FANCD2: variants seen among roughly 807,000 people sequenced by gnomAD.
FANCD2 encodes the protein FA complementation group D2, also known as Fanconi anemia group D2 protein.
A neutral mutation model predicts 192.3 loss-of-function variants in FANCD2; 131 were observed. The ratio of observed to expected loss-of-function variants is 0.68; its 90% CI spans 0.59 to 0.79. The LOEUF is 0.79. FANCD2 is among the 30% of genes least tolerant of loss of function. The probability of loss-of-function intolerance (pLI) is 0.00; values close to 1 mark genes in which losing one functional copy is unlikely to be tolerated. For missense variants in FANCD2, 1,508 were observed against 1,701.6 expected (o/e 0.89, Z 2.00); for synonymous variants, 524 against 612.5 (o/e 0.86, Z 2.13).
rs545245589 is a variant in FANCD2 at position 10,040,339 on chromosome 3, T to G, written c.695+494T>G. On this transcript the variant is annotated intron_variant, in intron 9 of 43. Transcript: ENST00000675286. ...GCATGAGCCACCGTGCCTGGCCCCA[T>G]GTACTTTCTTTTAAATGGTATACCT... The G allele has an allele frequency of 1.3e-5, 5 of 371,020 alleles. No homozygotes were observed. The East Asian group carries it at 3.0e-4, about 22-fold the overall frequency. 23.0% of individuals were successfully genotyped at this position (371,020 alleles called of 1,614,324 possible).
intron 41 of FANCD2, among the ~76,000 whole-genome samples, chr3:10,095,568 T>C (rs1377426849): frequency 6.6e-6 from 1 of 152,192 alleles, no homozygotes; most frequent in Non-Finnish European, 1.5e-5. Context: ...GTCCTCTAGG[T>C]AACAGGACTG....
chr3:10,057,006 C>A (rs1387781759), intron 18 of FANCD2, among the ~76,000 whole-genome samples: 1 of 152,106 alleles, frequency 6.6e-6, no homozygotes, highest in Non-Finnish European at 1.5e-5. Flanking sequence ...AGGTGTGCAC[C>A]ACCATGCCCA....
At chr3:10,069,488 T>TCC (rs1287580681) in intron 26 of FANCD2, among the ~76,000 whole-genome samples, 22,589 of 63,542 alleles carry the variant, frequency 0.36, 2,469 homozygotes, top group African/African-American at 0.49. Context: ...CCCCTCCCCC[T>TCC]CTCCCGTCTC....
In FANCD2 at chr3:10,089,116, C is replaced by G. The variant is rs419999; in HGVS notation, c.3683+166C>G. Among the ~76,000 whole-genome samples, 693 of 152,164 alleles carry G rather than the reference C, an allele frequency of 4.6e-3. 3 individuals are homozygous for G. The highest frequency in any genetic ancestry group is 8.5e-3 in the Admixed American group (130 of 15,260). On this transcript the variant is annotated intron_variant, in intron 36 of 43. Transcript: ENST00000675286. ...CTTGGCCAACATAGTGAAACCCTGT[C>G]CCTACTAAAAATACAAAAATTAGCC...
intron 29 of FANCD2, among the ~76,000 whole-genome samples, chr3:10,075,680 A>C (rs569959842): frequency 6.7e-6 from 1 of 149,872 alleles, no homozygotes; most frequent in Non-Finnish European, 1.5e-5. Context: ...ATTAATTTTC[A>C]CCTGAAATTT....
At position 10,036,348 on chromosome 3, in the gene FANCD2, C is replaced by G; in HGVS notation, c.491+9C>G. ...GAATATTTTTTTGAAAAGTAAGTGG[C>G]GTTATTATGGAATGTTCAAAGTACC... is the stretch of plus-strand genomic sequence containing the variant. On this transcript the variant is annotated intron_variant, in intron 7 of 43. Coordinates refer to ENST00000675286, the MANE Select transcript of FANCD2 (RefSeq NM_001018115.3). 6.2e-7 allele frequency: 1 copy of G among 1,604,270 alleles called. No individual in the cohort carries two copies.
chr3:10,054,577 A>G (rs1440493663), intron 18 of FANCD2, among the ~76,000 whole-genome samples: 4 of 130,000 alleles, frequency 3.1e-5, no homozygotes, highest in Non-Finnish European at 6.2e-5. Context: ...TCCGCCTCCC[A>G]GGTTCCCGCC....
rs762683227 is a variant in FANCD2, at chr3:10,078,090, G to C, written c.2869G>C (p.Val957Leu). Residue 957 changes from valine to leucine, a missense_variant, in exon 30 of 44, where the codon GTT becomes CTT. Physicochemically the swap from Val to Leu is conservative, Grantham distance 32 (BLOSUM62 1). Around this residue, in one of 5 missense-constraint regions of FANCD2, gnomAD observed 796 missense variants for 879.4 expected, o/e 0.91. Coordinates refer to ENST00000675286, the MANE Select transcript of FANCD2 (RefSeq NM_001018115.3). ...DTEMHTEATEVVQLGPPELLF... is the reference protein window; with the variant it reads ...DTEMHTEATELVQLGPPELLF... ...TTCCTCCATGTGACAGGCTACAGAA[G>C]TTGTGCAACTTGGGCCCCCTGAGCT... The C allele has an allele frequency of 3.7e-6, 6 of 1,611,254 alleles. No individual in the cohort carries two copies. The Admixed American group carries it at 1.0e-4, about 27-fold the overall frequency.
At chr3:10,037,718 T>C (rs927238599) in intron 7 of FANCD2, 3 of 152,194 alleles carry the variant, frequency 2.0e-5, no homozygotes, top group African/African-American at 7.2e-5. Flanking sequence ...AATAGAAATA[T>C]TATGTGCACA....
chr3:10,041,495 A>G, intron 9 of FANCD2, 128 bp from the exon 10 acceptor site: 1 of 704,094 alleles, frequency 1.4e-6, no homozygotes, highest in African/African-American at 1.8e-5. Flanking sequence ...CATACTATAA[A>G]CGGTAACTTA....
chr3:10,067,353 G>T (rs778447238), intron 26 of FANCD2, 36 bp downstream of exon 26: 1 of 1,238,780 alleles, frequency 8.1e-7, no homozygotes, highest in South Asian at 1.2e-5. Flanking sequence ...GTACTACTAG[G>T]CCAGTAGTGA....
At chr3:10,058,978 C>T (rs1363256497) in intron 18 of FANCD2, among the ~76,000 whole-genome samples, 1 of 152,056 alleles carries the variant, frequency 6.6e-6, no homozygotes, top group Non-Finnish European at 1.5e-5. Flanking sequence ...TTTCCATTTC[C>T]TTATGTCTTT....
At chr3:10,056,579 T>C (rs1268861133) in intron 18 of FANCD2, among the ~76,000 whole-genome samples, 1 of 152,196 alleles carries the variant, frequency 6.6e-6, no homozygotes, top group East Asian at 1.9e-4. Flanking sequence ...TTACCCAAGC[T>C]GCAGTGCAGT....
At chr3:10,060,913 C>A (rs1048111916) in intron 19 of FANCD2, among the ~76,000 whole-genome samples, 26 of 152,284 alleles carry the variant, frequency 1.7e-4, no homozygotes, top group African/African-American at 6.0e-4. Context: ...GATTTCAGTT[C>A]ATGCTCCTTG....
chr3:10,069,468 C>CCT (rs2087811736), intron 26 of FANCD2, among the ~76,000 whole-genome samples: 1 of 125,950 alleles, frequency 7.9e-6, no homozygotes, highest in African/African-American at 3.8e-5. Flanking sequence ...TGCCTCTCCC[C>CCT]CTCCCCCTCC....
In FANCD2 at chr3:10,098,852, G is replaced by T. The variant is rs376442380; in HGVS notation, c.4281+37G>T. Reference sequence around the variant, plus strand: ...AAACCCACCAGAGTCTGGCACTGATGGTTGCATTTTGTTAATTGTTCTAAG... The same window carrying T: ...AAACCCACCAGAGTCTGGCACTGATTGTTGCATTTTGTTAATTGTTCTAAG... On this transcript the variant is annotated intron_variant, in intron 43 of 43. Transcript: ENST00000675286. 5.0e-6 allele frequency: 8 copies of T among 1,614,148 alleles called. No individual in the cohort carries two copies. In the South Asian group the frequency reaches 8.8e-5, roughly 18 times the overall value.
At chr3:10,040,053 CT>C in intron 9 of FANCD2, 2 of 333,264 alleles carry the variant, frequency 6.0e-6, no homozygotes, top group East Asian at 4.5e-5. Flanking sequence ...TTTTTTTTTT[CT>C]GAGACAGTCT....
At position 10,088,714 on chromosome 3, in the gene FANCD2, T is replaced by C. The variant is rs1575845509; in HGVS notation, c.3561-114T>C. ...GATCTTAAGATCCTCTGGTTCTGTT[T>C]TATACTGTTAGCTAACTGCTTATTG... is the stretch of plus-strand genomic sequence containing the variant. On this transcript the variant is annotated intron_variant, in intron 35 of 43. Coordinates refer to ENST00000675286, the MANE Select transcript of FANCD2 (RefSeq NM_001018115.3). The C allele has an allele frequency of 3.2e-6, 4 of 1,239,308 alleles. No individual in the cohort carries two copies. The Middle Eastern group carries it at 5.9e-4, about 183-fold the overall frequency. 76.8% of individuals were successfully genotyped at this position (1,239,308 alleles called of 1,614,324 possible). A position where few individuals can be genotyped will look rare whatever the true frequency, so the allele number is the denominator to read the frequency against.
intron 40 of FANCD2, chr3:10,094,960 A>G (rs1340272113): frequency 7.4e-6 from 4 of 537,322 alleles, no homozygotes; most frequent in South Asian, 4.2e-5. Context: ...ATGGTAACCT[A>G]TGTAAAACTA....
Sources: allele counts gnomAD v4.1 joint callset (sites outside exome capture counted in the v4.1 genomes callset), GRCh38; gene constraint gnomAD v4.1.1; regional missense constraint gnomAD v4.1.1; transcripts MANE v1.5; gene names NCBI Gene and HGNC (gene_info 2026-07-23, HGNC 2026-07-21).